Variants in CSMD1 observed in about 807,000 individuals in gnomAD.
CSMD1 encodes CUB and sushi domain-containing protein 1.
Under a neutral mutation model 417.5 loss-of-function variants are expected in CSMD1, and 213 were observed. The ratio of observed to expected loss-of-function variants is 0.51; its 90% CI spans 0.46 to 0.57. The LOEUF (loss-of-function observed/expected upper bound fraction) is 0.57, where lower values mean the gene tolerates loss of function less well. CSMD1 is among the 20% of genes least tolerant of loss of function. The pLI is 0.00. For synonymous variants in CSMD1, 2,862 were observed against 1,736.8 expected (o/e 1.65, Z -16.11); for missense variants, 6,923 against 4,529.7 (o/e 1.53, Z -15.17).
chr8:3,870,175 G>A (rs1251224623), intron 5 of CSMD1, among the ~76,000 whole-genome samples: 1 of 152,076 alleles, frequency 6.6e-6, no homozygotes, highest in Non-Finnish European at 1.5e-5. Flanking sequence ...TGGTTAAAGA[G>A]GTTCTTCCAG....
chr8:3,572,478 A>G (rs1246136981), intron 10 of CSMD1, among the ~76,000 whole-genome samples: 1 of 152,140 alleles, frequency 6.6e-6, no homozygotes, highest in Non-Finnish European at 1.5e-5. Context: ...TTCTAATTTT[A>G]TGTAATCTCC....
intron 23 of CSMD1, among the ~76,000 whole-genome samples, chr8:3,310,623 T>A (rs1489341415): frequency 6.6e-6 from 1 of 152,154 alleles, no homozygotes; most frequent in African/African-American, 2.4e-5. Flanking sequence ...TGTAAAAAAC[T>A]TTTGAGTTCA....
chr8:3,145,331 C>G (rs115902673), intron 40 of CSMD1, among the ~76,000 whole-genome samples: 1 of 152,152 alleles, frequency 6.6e-6, no homozygotes, highest in East Asian at 1.9e-4. Flanking sequence ...GTGCTCACTT[C>G]AGATGCGCAT....
chr8:3,102,176 T>C (rs1184120418), intron 46 of CSMD1, among the ~76,000 whole-genome samples: 1 of 152,180 alleles, frequency 6.6e-6, no homozygotes, highest in African/African-American at 2.4e-5. Flanking sequence ...TATTGGGAGA[T>C]GGGCCCCCAC....
At chr8:3,560,947 A>C (rs1251357890) in intron 10 of CSMD1, among the ~76,000 whole-genome samples, 1 of 152,166 alleles carries the variant, frequency 6.6e-6, no homozygotes, top group Non-Finnish European at 1.5e-5. Flanking sequence ...TAGAATCCAG[A>C]TTCACAGAGC....
rs74353258 is a variant in CSMD1, at chr8:4,172,506, G to T, written c.416-140407C>A. ...TGACAATTAAAAAAAAAAACTGAAG[G>T]ATCAACAATATTCTCTAACTATTTC... On this transcript the variant is annotated intron_variant, in intron 3 of 69. Transcript: ENST00000635120. Among the ~76,000 whole-genome samples the T allele has an allele frequency of 4.1e-3, 629 of 151,986 alleles. 22 individuals carry two copies. In the East Asian group the frequency reaches 0.064, roughly 15 times the overall value.
chr8:4,326,832 A>G (rs577633447), intron 3 of CSMD1, among the ~76,000 whole-genome samples: 3 of 108,844 alleles, frequency 2.8e-5, no homozygotes, highest in East Asian at 2.0e-4. Flanking sequence ...GATTCTTCTG[A>G]AAAAAAAAGG....
At chr8:4,479,363 C>T (rs575725324) in intron 2 of CSMD1, among the ~76,000 whole-genome samples, 5 of 152,126 alleles carry the variant, frequency 3.3e-5, no homozygotes, top group African/African-American at 1.2e-4. Context: ...CACATATGTC[C>T]GGTTACAAAA....
chr8:3,536,941 G>A (rs6987089), intron 10 of CSMD1, among the ~76,000 whole-genome samples: 12 of 152,182 alleles, frequency 7.9e-5, no homozygotes, highest in Admixed American at 4.6e-4. Flanking sequence ...AGTAGAGTCA[G>A]TATTTACTGG....
In CSMD1 at chr8:3,707,360, G is replaced by C. The variant is rs149924806; in HGVS notation, c.1009+1054C>G. On this transcript the variant is annotated intron_variant, in intron 7 of 69. Transcript: ENST00000635120. ...ATCCCAGCCCTTCCACTAATTGCTAGGCAACGGAAAAACAATATGCACAGA... is the reference window on the plus strand; with the variant it reads ...ATCCCAGCCCTTCCACTAATTGCTACGCAACGGAAAAACAATATGCACAGA... Among the ~76,000 whole-genome samples, 657 of 152,250 alleles carry C rather than the reference G, an allele frequency of 4.3e-3. 8 individuals carry two copies. Among genetic ancestry groups the C allele is most frequent in the Middle Eastern group, 0.017 (5 of 294 alleles).
chr8:4,546,202 G>C (rs950505735), intron 2 of CSMD1, among the ~76,000 whole-genome samples: 3 of 152,162 alleles, frequency 2.0e-5, no homozygotes, highest in African/African-American at 7.2e-5. Flanking sequence ...TACGGGCCTT[G>C]GCCCTGGTCG....
chr8:4,044,076 C>T (rs187963828), intron 3 of CSMD1, among the ~76,000 whole-genome samples: 145 of 152,072 alleles, frequency 9.5e-4, no homozygotes, highest in Non-Finnish European at 1.1e-3. Flanking sequence ...TCTTTTCTTG[C>T]CCATTGCTTG....
intron 40 of CSMD1, among the ~76,000 whole-genome samples, chr8:3,145,832 G>A (rs1287084112): frequency 6.6e-6 from 1 of 152,156 alleles, no homozygotes; most frequent in Non-Finnish European, 1.5e-5. Flanking sequence ...ACCTTTGGTG[G>A]AACTTACCCA....
At chr8:3,584,483 G>C (rs936421336) in intron 9 of CSMD1, among the ~76,000 whole-genome samples, 1 of 152,160 alleles carries the variant, frequency 6.6e-6, no homozygotes, top group African/African-American at 2.4e-5. Context: ...TGGGAGAAAT[G>C]TCTCCACCTT....
At chr8:3,403,685 T>G (rs950446090) in intron 15 of CSMD1, among the ~76,000 whole-genome samples, 8 of 152,156 alleles carry the variant, frequency 5.3e-5, no homozygotes, top group African/African-American at 1.9e-4. Flanking sequence ...AGTGTTCACT[T>G]TAAACTTCTT....
intron 5 of CSMD1, among the ~76,000 whole-genome samples, chr8:3,779,392 C>G (rs1265123249): frequency 6.6e-6 from 1 of 151,950 alleles, no homozygotes. Flanking sequence ...CTTCAGAAAC[C>G]CTGTAATCGA....
chr8:4,195,610 A>G (rs1799289430), intron 3 of CSMD1, among the ~76,000 whole-genome samples: 1 of 152,082 alleles, frequency 6.6e-6, no homozygotes, highest in Non-Finnish European at 1.5e-5. Flanking sequence ...GTGTGATATT[A>G]TATAAGGCTG....
chr8:2,999,054 G>C (rs184311987), intron 53 of CSMD1, among the ~76,000 whole-genome samples: 136 of 151,754 alleles, frequency 9.0e-4, no homozygotes, highest in African/African-American at 3.1e-3. Context: ...AGAGTACATT[G>C]TTCGAAAAAT....
intron 3 of CSMD1, among the ~76,000 whole-genome samples, chr8:4,292,455 T>C (rs1244439556): frequency 6.6e-6 from 1 of 152,068 alleles, no homozygotes; most frequent in Non-Finnish European, 1.5e-5. Context: ...AATTTCACCG[T>C]GTTAGTCAGA....
Sources: allele counts gnomAD v4.1 joint callset (sites outside exome capture counted in the v4.1 genomes callset), GRCh38; gene constraint gnomAD v4.1.1; transcripts MANE v1.5; gene names NCBI Gene and HGNC (gene_info 2026-07-23, HGNC 2026-07-21).